Variants in TRAF3IP2 observed in about 807,000 individuals in gnomAD.
The protein encoded by TRAF3IP2 is E3 ubiquitin ligase TRAF3IP2.
TRAF3IP2 carries 35 observed loss-of-function variants against 57.9 expected under a neutral mutation model. That is an observed-to-expected ratio of 0.60 (90% CI 0.46 to 0.80). TRAF3IP2 has a LOEUF of 0.80. Among genes scored for constraint, TRAF3IP2 ranks in the 30% least tolerant of loss-of-function variants. TRAF3IP2 has a pLI of 0.00. For synonymous variants in TRAF3IP2, 251 were observed against 268.9 expected (o/e 0.93, Z 0.65); for missense variants, 556 against 706.4 (o/e 0.79, Z 2.41).
intron 3 of TRAF3IP2, chr6:111,576,220 A>C (rs1028016568): frequency 5.5e-6 from 1 of 180,622 alleles, no homozygotes; most frequent in Non-Finnish European, 1.2e-5. Context: ...GGTAACATTT[A>C]ATTATGTATC....
At chr6:111,590,416 T>A (rs908078409) in intron 2 of TRAF3IP2, among the ~76,000 whole-genome samples, 1 of 152,206 alleles carries the variant, frequency 6.6e-6, no homozygotes, top group African/African-American at 2.4e-5. Flanking sequence ...AGAGGGACAC[T>A]TGAGCTAAGT....
chr6:111,564,678 A>G (rs979749574), intron 7 of TRAF3IP2, among the ~76,000 whole-genome samples: 2 of 152,182 alleles, frequency 1.3e-5, no homozygotes, highest in African/African-American at 4.8e-5. Context: ...TTCTATGATG[A>G]GTAAGGGCCC....
chr6:111,582,567 A>C (rs1163035864), intron 2 of TRAF3IP2, among the ~76,000 whole-genome samples: 1 of 152,142 alleles, frequency 6.6e-6, no homozygotes, highest in African/African-American at 2.4e-5. Flanking sequence ...GGGCGGATAT[A>C]TTCCAGGGGG....
At position 111,558,424 on chromosome 6, in the gene TRAF3IP2, G is replaced by A. The variant is rs1182521361; in HGVS notation, c.*981C>T. ...TATAAAGTTGTTTTGTTAAAAATGG[G>A]TGTTTTTATTTGTTTGTTTGTTTTT... On this transcript the variant is annotated 3_prime_UTR_variant, in exon 9 of 9. Coordinates refer to ENST00000368761, the MANE Select transcript of TRAF3IP2 (RefSeq NM_147686.4). 1.3e-5 allele frequency: 2 copies of A among 152,140 alleles called. No homozygotes were observed. The highest frequency in any genetic ancestry group is 2.1e-4 in the South Asian group (1 of 4,822). 9.4% of individuals were successfully genotyped at this position (152,140 alleles called of 1,614,324 possible).
At chr6:111,562,090 C>T (rs1795466207) in intron 8 of TRAF3IP2, among the ~76,000 whole-genome samples, 1 of 152,196 alleles carries the variant, frequency 6.6e-6, no homozygotes, top group Non-Finnish European at 1.5e-5. Flanking sequence ...TGGTCTGATT[C>T]TCAACATGTT....
At chr6:111,569,755 CA>C (rs966112325) in intron 5 of TRAF3IP2, among the ~76,000 whole-genome samples, 5 of 151,718 alleles carry the variant, frequency 3.3e-5, no homozygotes, top group East Asian at 1.9e-4. Context: ...GACCCCGTCT[CA>C]AAAAAAATTA....
intron 6 of TRAF3IP2, 119 bp downstream of exon 6, chr6:111,567,505 T>TGGGGCTTTCTC: frequency 7.5e-7 from 1 of 1,331,050 alleles, no homozygotes; most frequent in Non-Finnish European, 9.8e-7. Context: ...GAGGCTTTGT[T>TGGGGCTTTCTC]GGGGCTTTCT....
intron 2 of TRAF3IP2, among the ~76,000 whole-genome samples, chr6:111,583,923 A>G (rs1274472421): frequency 6.6e-6 from 1 of 152,222 alleles, no homozygotes. Flanking sequence ...AAGGAGAAAC[A>G]CAAGGTAAAA....
In TRAF3IP2 at chr6:111,568,432, AGTGTGTGTGT is replaced by A. The variant is rs58088162; in HGVS notation, c.1291-750_1291-741del. ...TCTTGGGCTCAGGCTTATACTGCAG[AGTGTGTGTGT>A]GTGTGTGTGTGTGTGTGTGTGTGTG... On this transcript the variant is annotated intron_variant, in intron 5 of 8. Transcript: ENST00000368761. Among the ~76,000 whole-genome samples the A allele has an allele frequency of 5.9e-3, 859 of 146,772 alleles. 5 individuals carry two copies. Among genetic ancestry groups the A allele is most frequent in the Admixed American group, 9.1e-3 (133 of 14,642 alleles).
intron 8 of TRAF3IP2, among the ~76,000 whole-genome samples, chr6:111,562,370 CCTT>C (rs1294126892): frequency 2.1e-4 from 32 of 152,168 alleles, no homozygotes; most frequent in African/African-American, 7.7e-4. Flanking sequence ...ATGACATGAA[CCTT>C]CTCTTTTTCT....
rs1795642205 is a variant in TRAF3IP2 at position 111,566,550 on chromosome 6, A to G, written c.1370T>C (p.Met457Thr). Residue 457 changes from methionine to threonine, a missense_variant, in exon 7 of 9, where the codon ATG becomes ACG. By Grantham distance (81) the Met-to-Thr change is moderately conservative (BLOSUM62 -1). This residue lies in a region of TRAF3IP2 where 128 missense variants were observed against 207.7 expected (regional missense o/e 0.62). Coordinates refer to ENST00000368761, the MANE Select transcript of TRAF3IP2 (RefSeq NM_147686.4). ...MERYLRDKTV[M>T]IIVAISPKYK... ...TTTGGGGCTGATTGCTACGATTATCATCACGGTCTTCTGTTAATGAGAGGG... is the reference window on the plus strand; with the variant it reads ...TTTGGGGCTGATTGCTACGATTATCGTCACGGTCTTCTGTTAATGAGAGGG... 1 of 1,614,066 alleles carries G rather than the reference A, an allele frequency of 6.2e-7. No individual in the cohort carries two copies. The highest frequency in any genetic ancestry group is 8.5e-7 in the Non-Finnish European group (1 of 1,179,934).
intron 5 of TRAF3IP2, chr6:111,572,626 T>A: frequency 2.8e-6 from 1 of 356,136 alleles, no homozygotes; most frequent in Non-Finnish European, 5.1e-6. Context: ...CAGGGGCCGC[T>A]GCATATGTGG....
intron 2 of TRAF3IP2, among the ~76,000 whole-genome samples, chr6:111,585,222 A>C (rs954030195): frequency 6.6e-6 from 1 of 152,116 alleles, no homozygotes; most frequent in Admixed American, 6.6e-5. Flanking sequence ...TAGACTGTGA[A>C]TTCCATGAAA....
At chr6:111,584,513 G>T (rs752218230) in intron 2 of TRAF3IP2, among the ~76,000 whole-genome samples, 4 of 152,036 alleles carry the variant, frequency 2.6e-5, no homozygotes, top group Admixed American at 2.0e-4. Context: ...GTATGGAAAA[G>T]GTTCCTAAAT....
In TRAF3IP2 at chr6:111,562,983, G is replaced by A; in HGVS notation, c.1533C>T (p.Leu511=). 2.5e-6 allele frequency: 4 copies of A among 1,612,234 alleles called. No individual in the cohort carries two copies. The highest frequency in any genetic ancestry group is 3.4e-6 in the Non-Finnish European group (4 of 1,179,474). Residue 511 remains leucine, a synonymous_variant, in exon 8 of 9, where the codon CTC becomes CTT. Transcript: ENST00000368761. The part of the protein sequence containing the change: ...GSMNFRFIPV[L]FPNAKKEHVP... ...TGTTTACCTTCTTAGCATTTGGGAA[G>A]AGCACAGGGATGAATCTGAAATTCA...
chr6:111,572,394 G>A (rs926817015), intron 5 of TRAF3IP2, among the ~76,000 whole-genome samples: 1 of 152,148 alleles, frequency 6.6e-6, no homozygotes, highest in Non-Finnish European at 1.5e-5. Context: ...ACTGCGTCAA[G>A]GTATGAAAAT....
Position 111,575,774 on chromosome 6 carries a change from T to C in TRAF3IP2, c.1070A>G (p.Glu357Gly), listed in dbSNP as rs766180997. The part of the protein sequence containing the change: ...QPPNRAGAPG[E>G]SLECPAELRP... The stretch of plus-strand genomic sequence containing the variant: ...CAGCTCTGCAGGGCACTCCAAGGAC[T>C]CCCCAGGAGCACCAGCTCTATTAGG... The change falls in exon 4 of 9, where the codon GAG becomes GGG. Residue 357 changes from glutamate (E) to glycine (G), a missense_variant. Around this residue, in one of 2 missense-constraint regions of TRAF3IP2, gnomAD observed 428 missense variants for 498.7 expected, o/e 0.86. Coordinates refer to ENST00000368761, the MANE Select transcript of TRAF3IP2 (RefSeq NM_147686.4). 2 of 1,609,602 alleles carry C rather than the reference T, an allele frequency of 1.2e-6. No homozygotes were observed. The highest frequency in any genetic ancestry group is 1.7e-6 in the Non-Finnish European group (2 of 1,178,682).
intron 6 of TRAF3IP2, chr6:111,567,073 C>T: frequency 1.8e-6 from 1 of 563,886 alleles, no homozygotes; most frequent in Non-Finnish European, 2.3e-6. Context: ...GACTCCCGTC[C>T]CCCACTGGCT....
At position 111,567,661 on chromosome 6, in the gene TRAF3IP2, A is replaced by G. The variant is rs138824557; in HGVS notation, c.1322T>C (p.Ile441Thr). 9.9e-6 allele frequency: 16 copies of G among 1,609,488 alleles called. No homozygotes were observed. Among genetic ancestry groups the G allele is most frequent in the East Asian group, 4.5e-5 (2 of 44,736 alleles). The change falls in exon 6 of 9, where the codon ATT becomes ACT. Residue 441 changes from isoleucine to threonine, a missense_variant. Coordinates refer to ENST00000368761, the MANE Select transcript of TRAF3IP2 (RefSeq NM_147686.4). ...GCGCTCCATCCATTTAATGATATCAATGCCTCGGATTCTATCCTCAAATAT... is the reference window on the plus strand; with the variant it reads ...GCGCTCCATCCATTTAATGATATCAGTGCCTCGGATTCTATCCTCAAATAT... ...IDIFEDRIRG[I>T]DIIKWMERYL...
Sources: allele counts gnomAD v4.1 joint callset (sites outside exome capture counted in the v4.1 genomes callset), GRCh38; gene constraint gnomAD v4.1.1; regional missense constraint gnomAD v4.1.1; transcripts MANE v1.5; gene names NCBI Gene and HGNC (gene_info 2026-07-23, HGNC 2026-07-21).